Variants in SRSF7 observed in about 807,000 individuals in gnomAD.
The protein encoded by SRSF7 is serine and arginine rich splicing factor 7, also known as serine/arginine-rich splicing factor 7.
SRSF7 carries 15 observed loss-of-function variants against 42.2 expected under a neutral mutation model. The ratio of observed to expected loss-of-function variants is 0.36; its 90% CI spans 0.24 to 0.55. SRSF7 has a LOEUF of 0.55. Ranked by LOEUF, SRSF7 falls within the 20% of genes least tolerant of loss-of-function variation. The pLI, the probability that SRSF7 is intolerant of heterozygous loss-of-function variation, is 0.88. For synonymous variants in SRSF7, 138 were observed against 107.9 expected (o/e 1.28, Z -1.73); for missense variants, 181 against 305.9 (o/e 0.59, Z 3.04).
chr2:38,749,142 G>A, intron 3 of SRSF7: 1 of 1,318,338 alleles, frequency 7.6e-7, no homozygotes, highest in South Asian at 1.2e-5. Context: ...CAAATTTACT[G>A]TTACGGCGAT....
In SRSF7 at chr2:38,751,239, C is replaced by A; in HGVS notation, c.18G>T (p.Arg6=). The change falls in exon 1 of 8, where the codon CGG becomes CGT. Residue 6 remains arginine (R), a synonymous_variant. Coordinates refer to ENST00000313117, the MANE Select transcript of SRSF7 (RefSeq NM_001031684.3). ...ACTCCAGCTTCTTACCTCCTCCGTA[C>A]CGCCCGTAACGCGACATGATGACAG... MSRYG[R]YGGETKVYVG... is the part of the protein sequence containing the mutation. 1 of 1,614,198 alleles carries A rather than the reference C, an allele frequency of 6.2e-7. No homozygotes were observed. Among genetic ancestry groups the A allele is most frequent in the Non-Finnish European group, 8.5e-7 (1 of 1,180,020 alleles).
Position 38,744,992 on chromosome 2 carries a change from C to A in SRSF7, c.*141G>T. On this transcript the variant is annotated 3_prime_UTR_variant, in exon 8 of 8. Coordinates refer to ENST00000313117, the MANE Select transcript of SRSF7 (RefSeq NM_001031684.3). ...CAACAAAATTTATATTATCTTACTG[C>A]TGTGAATTTACATAGTAATCCAGAT... is the stretch of plus-strand genomic sequence containing the variant. The A allele has an allele frequency of 1.2e-5, 9 of 773,832 alleles. No individual in the cohort carries two copies. The East Asian group carries it at 2.1e-4, about 18-fold the overall frequency. The allele number at this position is 773,832 out of a possible 1,614,324, so 47.9% of individuals were successfully genotyped here.
intron 3 of SRSF7, 35 bp from the exon 4 acceptor site, chr2:38,748,688 G>A: frequency 6.3e-7 from 1 of 1,596,460 alleles, no homozygotes; most frequent in African/African-American, 1.3e-5. Flanking sequence ...CAAAATGTCA[G>A]ACAATAACTC....
upstream of SRSF7, chr2:38,751,443 A>T: frequency 1.3e-6 from 1 of 751,474 alleles, no homozygotes; most frequent in Non-Finnish European, 2.2e-6. Context: ...CGCGGCACAA[A>T]GGAGCTGGGC....
Position 38,748,038 on chromosome 2 carries a change from G to C in SRSF7, c.572+9C>G. 1 of 1,600,580 alleles carries C rather than the reference G, an allele frequency of 6.2e-7. No individual in the cohort carries two copies. The highest frequency in any genetic ancestry group is 8.6e-7 in the Non-Finnish European group (1 of 1,168,420). ...CCAAACACAAGTAAGGAAAAAAAGTGTTACATACTGGAAATACCTCGATCC... is the reference window on the plus strand; with the variant it reads ...CCAAACACAAGTAAGGAAAAAAAGTCTTACATACTGGAAATACCTCGATCC... On this transcript the variant is annotated intron_variant, in intron 5 of 7. Coordinates refer to ENST00000313117, the MANE Select transcript of SRSF7 (RefSeq NM_001031684.3).
At chr2:38,746,899 CA>C (rs1378493929) in intron 5 of SRSF7, 152 bp from the exon 6 acceptor site, 2 of 1,325,700 alleles carry the variant, frequency 1.5e-6, no homozygotes, top group Non-Finnish European at 2.0e-6. Flanking sequence ...CACTGTCAAA[CA>C]AAGTGTTACC....
rs540219488 is a variant in SRSF7 at position 38,746,529 on chromosome 2, A to G, written c.626+165T>C. The stretch of plus-strand genomic sequence containing the variant: ...TAGTTTTACATTCCCTTGTTCAGGG[A>G]AAGTCAGCCAGTAATAAATAGGACA... On this transcript the variant is annotated intron_variant, in intron 6 of 7. Coordinates refer to ENST00000313117, the MANE Select transcript of SRSF7 (RefSeq NM_001031684.3). 2.1e-3 allele frequency among the ~76,000 whole-genome samples: 314 copies of G among 152,324 alleles called. 4 individuals are homozygous for G. The highest frequency in any genetic ancestry group is 7.4e-3 in the African/African-American group (308 of 41,568).
intron 1 of SRSF7, 172 bp downstream of exon 1, chr2:38,751,057 T>A: frequency 1.3e-6 from 1 of 764,744 alleles, no homozygotes; most frequent in Non-Finnish European, 2.2e-6. Flanking sequence ...ACACCCGCCA[T>A]CCCGTCTCCC....
chr2:38,746,826 T>C (rs778663183), intron 5 of SRSF7, 79 bp from the exon 6 acceptor site: 34 of 1,588,022 alleles, frequency 2.1e-5, no homozygotes, highest in Non-Finnish European at 2.8e-5. Context: ...CTGTATTAGG[T>C]TGGTCAGGCA....
intron 5 of SRSF7, among the ~76,000 whole-genome samples, chr2:38,747,574 A>C (rs1287364030): frequency 6.6e-6 from 1 of 152,198 alleles, no homozygotes; most frequent in Non-Finnish European, 1.5e-5. Flanking sequence ...GTCTAAAAAA[A>C]AAAATCCACA....
chr2:38,745,355 A>C (rs1667206173), intron 7 of SRSF7, among the ~76,000 whole-genome samples, 168 bp from the exon 8 acceptor site: 1 of 152,180 alleles, frequency 6.6e-6, no homozygotes, highest in African/African-American at 2.4e-5. Flanking sequence ...TCCCTGGCTT[A>C]AGATTAGGCT....
intron 2 of SRSF7, 97 bp from the exon 3 acceptor site, chr2:38,749,802 C>A: frequency 7.4e-7 from 1 of 1,352,914 alleles, no homozygotes; most frequent in Non-Finnish European, 9.8e-7. Context: ...TCTTTCCAAC[C>A]ACTCCTTCCC....
chr2:38,745,962 C>CAAAAGTAT (rs1352785831), intron 7 of SRSF7, among the ~76,000 whole-genome samples, 182 bp downstream of exon 7: 14 of 151,526 alleles, frequency 9.2e-5, no homozygotes, highest in Non-Finnish European at 2.9e-5. Flanking sequence ...GTATTTCCAG[C>CAAAAGTAT]AAAAGTATAA....
At position 38,745,920 on chromosome 2, in the gene SRSF7, T is replaced by C. The variant is rs149061708; in HGVS notation, c.662+224A>G. Among the ~76,000 whole-genome samples the C allele has an allele frequency of 9.3e-3, 1,415 of 152,204 alleles. 75 individuals carry two copies. The highest frequency in any genetic ancestry group is 0.079 in the Admixed American group (1,211 of 15,268). On this transcript the variant is annotated intron_variant, in intron 7 of 7. Coordinates refer to ENST00000313117, the MANE Select transcript of SRSF7 (RefSeq NM_001031684.3). Reference sequence around the variant, plus strand: ...CCAAGTACTCACAGGACCAATCACATCTTAATAATCACCCTAACATTTTAT... The same window carrying C: ...CCAAGTACTCACAGGACCAATCACACCTTAATAATCACCCTAACATTTTAT...
chr2:38,751,302 G>T lies in SRSF7; in HGVS notation c.-46C>A. The T allele has an allele frequency of 4.3e-6, 7 of 1,613,558 alleles. No individual in the cohort carries two copies. In the African/African-American group the frequency reaches 6.7e-5, roughly 15 times the overall value. ...GGCTCTTTAGCAAGCAGCGCCCAGG[G>T]CTCGAGTGACGCAAAAGCTGACACA... On this transcript the variant is annotated 5_prime_UTR_variant, in exon 1 of 8. Coordinates refer to ENST00000313117, the MANE Select transcript of SRSF7 (RefSeq NM_001031684.3).
intron 5 of SRSF7, chr2:38,747,206 G>A (rs576792644): frequency 2.2e-4 from 87 of 396,090 alleles, no homozygotes; most frequent in Admixed American, 2.0e-3. Flanking sequence ...AAAGAAAGCC[G>A]CCCCCCATTT....
chr2:38,750,511 C>T (rs1021670641), intron 1 of SRSF7, among the ~76,000 whole-genome samples: 6 of 151,636 alleles, frequency 4.0e-5, no homozygotes, highest in Non-Finnish European at 7.4e-5. Flanking sequence ...CAGCCCCGGG[C>T]GCACCGGGAG....
intron 7 of SRSF7, 143 bp downstream of exon 7, chr2:38,746,001 G>T (rs1558607974): frequency 8.6e-6 from 6 of 699,922 alleles, no homozygotes; most frequent in Non-Finnish European, 1.2e-5. Context: ...AAAAAAAAAA[G>T]TATTTCAGAA....
At chr2:38,749,000 T>G in intron 3 of SRSF7, 1 of 1,288,054 alleles carries the variant, frequency 7.8e-7, no homozygotes, top group Non-Finnish European at 1.0e-6. Context: ...TTTTCTTCAA[T>G]CTAACGACGA....
Sources: gnomAD v4.1 joint callset for allele counts (sites outside exome capture counted in the v4.1 genomes callset) on GRCh38, gnomAD v4.1.1 for gene constraint, MANE v1.5 for transcripts, NCBI Gene and HGNC (gene_info 2026-07-23, HGNC 2026-07-21) for gene names.